Variants in KDM4C observed in about 807,000 individuals in gnomAD.
KDM4C encodes the protein lysine-specific demethylase 4C.
In KDM4C, 81 loss-of-function variants were observed where a neutral mutation model predicts 129.3. That is an observed-to-expected ratio of 0.63 (90% CI 0.52 to 0.75). The LOEUF (loss-of-function observed/expected upper bound fraction) is 0.75. KDM4C is among the 30% of genes least tolerant of loss of function. The pLI, the probability that KDM4C is intolerant of heterozygous loss-of-function variation, is 0.00. For missense variants in KDM4C, 1,457 were observed against 1,304.0 expected (o/e 1.12, Z -1.81); for synonymous variants, 573 against 456.1 (o/e 1.26, Z -3.26).
intron 3 of KDM4C, among the ~76,000 whole-genome samples, chr9:6,806,695 G>C (rs973447882): frequency 2.4e-4 from 37 of 152,020 alleles, no homozygotes; most frequent in Middle Eastern, 3.2e-3. Flanking sequence ...TCTTACAAGA[G>C]TGCTCCCCTT....
At chr9:6,832,456 C>A (rs7875118) in intron 4 of KDM4C, among the ~76,000 whole-genome samples, 1 of 125,820 alleles carries the variant, frequency 7.9e-6, no homozygotes. Flanking sequence ...GGTGGAGTCT[C>A]GCTCTGTCAC....
intron 4 of KDM4C, among the ~76,000 whole-genome samples, chr9:6,833,002 C>T (rs1316105005): frequency 1.3e-5 from 2 of 151,796 alleles, no homozygotes; most frequent in African/African-American, 4.8e-5. Context: ...TCCCAAAGTG[C>T]TAGCATTATA....
intron 8 of KDM4C, among the ~76,000 whole-genome samples, chr9:6,959,916 A>G (rs915680352): frequency 1.2e-5 from 1 of 80,318 alleles, no homozygotes; most frequent in Non-Finnish European, 2.7e-5. Context: ...GAAAGTGACA[A>G]CAGCTGTGGT....
intron 8 of KDM4C, among the ~76,000 whole-genome samples, chr9:6,959,258 A>G (rs957157600): frequency 1.3e-5 from 2 of 152,200 alleles, no homozygotes; most frequent in Non-Finnish European, 2.9e-5. Flanking sequence ...CCCACCATGT[A>G]GTCCCAGATG....
intron 15 of KDM4C, among the ~76,000 whole-genome samples, chr9:7,028,000 G>A (rs912767940): frequency 6.6e-6 from 1 of 152,094 alleles, no homozygotes; most frequent in Non-Finnish European, 1.5e-5. Flanking sequence ...TGGGCTCCCC[G>A]CTGGCCCAGA....
chr9:6,852,327 G>C (rs1838997410), intron 5 of KDM4C, among the ~76,000 whole-genome samples: 1 of 152,198 alleles, frequency 6.6e-6, no homozygotes, highest in East Asian at 1.9e-4. Flanking sequence ...CCAGTAATCA[G>C]GGCTGTAGTC....
chr9:6,955,124 G>A (rs539087024), intron 8 of KDM4C, among the ~76,000 whole-genome samples: 1 of 152,300 alleles, frequency 6.6e-6, no homozygotes, highest in South Asian at 2.1e-4. Context: ...GTTACTGGAT[G>A]GTGAAAGCCT....
rs58020305 is a variant in KDM4C, at chr9:7,124,486, A to T, written c.2611-3580A>T. 2.0e-3 allele frequency among the ~76,000 whole-genome samples: 303 copies of T among 152,262 alleles called. 2 individuals carry two copies. Among genetic ancestry groups the T allele is most frequent in the African/African-American group, 6.0e-3 (251 of 41,524 alleles). On this transcript the variant is annotated intron_variant, in intron 18 of 21. Transcript: ENST00000381309. ...TGTAAGAAGTAGCTGTCACAGGCCCAATCTTGGAGTCAACATCAGTCTGCA... is the reference window on the plus strand; with the variant it reads ...TGTAAGAAGTAGCTGTCACAGGCCCTATCTTGGAGTCAACATCAGTCTGCA...
chr9:6,909,684 A>G (rs1378870747), intron 8 of KDM4C, among the ~76,000 whole-genome samples: 1 of 152,236 alleles, frequency 6.6e-6, no homozygotes, highest in Non-Finnish European at 1.5e-5. Context: ...ATTTAATGAA[A>G]CAAGTAAATA....
chr9:6,841,952 G>A (rs1837007282), intron 4 of KDM4C, among the ~76,000 whole-genome samples: 1 of 152,120 alleles, frequency 6.6e-6, no homozygotes, highest in Admixed American at 6.6e-5. Flanking sequence ...TAATTGCTCA[G>A]GCTTTGTGTT....
In KDM4C at chr9:6,761,716, A is replaced by G. The variant is rs574137451; in HGVS notation, c.-18+3513A>G. ...CTATATTTAGTGATAAGATAGGTACATTCTGTACTTTGATTAAGCTCAATA... is the reference window on the plus strand; with the variant it reads ...CTATATTTAGTGATAAGATAGGTACGTTCTGTACTTTGATTAAGCTCAATA... On this transcript the variant is annotated intron_variant, in intron 1 of 21. Coordinates refer to ENST00000381309, the MANE Select transcript of KDM4C (RefSeq NM_015061.6). 9.8e-5 allele frequency among the ~76,000 whole-genome samples: 15 copies of G among 152,336 alleles called. No homozygotes were observed. The South Asian group carries it at 2.9e-3, about 29-fold the overall frequency.
At chr9:7,039,781 T>G (rs2132455932) in intron 15 of KDM4C, among the ~76,000 whole-genome samples, 1 of 152,194 alleles carries the variant, frequency 6.6e-6, no homozygotes, top group Non-Finnish European at 1.5e-5. Context: ...CTTGTTATCT[T>G]CATGTTGAGT....
Position 7,049,213 on chromosome 9 carries a change from G to C in KDM4C, c.2424+13G>C. 1.4e-6 allele frequency: 2 copies of C among 1,435,874 alleles called. No homozygotes were observed. Among genetic ancestry groups the C allele is most frequent in the Non-Finnish European group, 2.0e-6 (2 of 1,025,046 alleles). The allele number at this position is 1,435,874 out of a possible 1,614,324, so 88.9% of individuals were successfully genotyped here. On this transcript the variant is annotated intron_variant, in intron 17 of 21. Coordinates refer to ENST00000381309, the MANE Select transcript of KDM4C (RefSeq NM_015061.6). Reference sequence around the variant, plus strand: ...GAGGTTAAAATTGGTGAGTGGCAAAGCTTCTTTTTTACCTCATAAATTAGT... The same window carrying C: ...GAGGTTAAAATTGGTGAGTGGCAAACCTTCTTTTTTACCTCATAAATTAGT...
At chr9:6,723,360 A>G (rs1324724162) in intron 1 of KDM4C, among the ~76,000 whole-genome samples, 1 of 151,996 alleles carries the variant, frequency 6.6e-6, no homozygotes, top group Non-Finnish European at 1.5e-5. Flanking sequence ...GCGTGACAAG[A>G]GCAAAACTCT....
chr9:7,091,338 C>T (rs749810862), intron 17 of KDM4C, among the ~76,000 whole-genome samples: 7 of 151,810 alleles, frequency 4.6e-5, no homozygotes, highest in Middle Eastern at 3.2e-3. Flanking sequence ...AAAAAGATTT[C>T]GGCAAACTTC....
intron 8 of KDM4C, chr9:6,942,767 T>A (rs909732295): frequency 1.3e-5 from 2 of 152,230 alleles, no homozygotes; most frequent in East Asian, 3.8e-4. Flanking sequence ...TTTACCTTGA[T>A]GTTTTATATA....
At chr9:6,766,767 G>T (rs1390748147) in intron 1 of KDM4C, among the ~76,000 whole-genome samples, 2 of 151,414 alleles carry the variant, frequency 1.3e-5, no homozygotes, top group Non-Finnish European at 2.9e-5. Context: ...TGCTGAACAG[G>T]ATTTTTTTTT....
chr9:6,998,170 C>T (rs973053650), intron 12 of KDM4C, among the ~76,000 whole-genome samples: 1 of 152,188 alleles, frequency 6.6e-6, no homozygotes, highest in African/African-American at 2.4e-5. Flanking sequence ...ATCCCTATCT[C>T]TGTAATGTCT....
Position 6,980,993 on chromosome 9 carries a change from A to G in KDM4C, c.990A>G (p.Arg330=). ...TTGTGAGGAAATTTCAGCCAGACAG[A>G]TATCAGCTTTGGAAACAAGGAAAGG... ...DIFVRKFQPD[R]YQLWKQGKDI... The change falls in exon 9 of 22, where the codon AGA becomes AGG. Residue 330 remains arginine, a synonymous_variant. Coordinates refer to ENST00000381309, the MANE Select transcript of KDM4C (RefSeq NM_015061.6). 2 of 1,613,920 alleles carry G rather than the reference A, an allele frequency of 1.2e-6. No homozygotes were observed. Among genetic ancestry groups the G allele is most frequent in the Non-Finnish European group, 8.5e-7 (1 of 1,179,854 alleles).
Sources: gnomAD v4.1 joint callset for allele counts (sites outside exome capture counted in the v4.1 genomes callset) on GRCh38, gnomAD v4.1.1 for gene constraint, MANE v1.5 for transcripts, NCBI Gene and HGNC (gene_info 2026-07-23, HGNC 2026-07-21) for gene names.